GSE1: variants seen among roughly 807,000 people sequenced by gnomAD.
The protein encoded by GSE1 is genetic suppressor element 1.
GSE1 carries 32 observed loss-of-function variants against 112.6 expected under a neutral mutation model. The observed-to-expected ratio is 0.28, with a 90% confidence interval of 0.21 to 0.38. The LOEUF (loss-of-function observed/expected upper bound fraction) is 0.38, where lower values mean the gene tolerates loss of function less well. Among genes scored for constraint, GSE1 ranks in the 10% least tolerant of loss-of-function variants. The pLI is 1.00. For missense variants in GSE1, 2,348 were observed against 1,699.2 expected (o/e 1.38, Z -6.71); for synonymous variants, 1,115 against 735.6 (o/e 1.52, Z -8.35).
exon 2 of GSE1, chr16:85,357,518 C>T (rs1220828111): frequency 3.9e-6 from 5 of 1,267,532 alleles, no homozygotes; most frequent in Non-Finnish European, 4.1e-6. Context: ...ACCCGGGAGT[C>T]CGAGACCCGG....
intron 1 of GSE1, among the ~76,000 whole-genome samples, chr16:85,229,772 C>T (rs369665892): frequency 4.6e-5 from 7 of 152,218 alleles, no homozygotes; most frequent in African/African-American, 1.7e-4. Context: ...TTCCTTAAAT[C>T]AGAGTAAATC....
At chr16:85,478,342 C>A (rs906147138) in intron 2 of GSE1, among the ~76,000 whole-genome samples, 1 of 152,040 alleles carries the variant, frequency 6.6e-6, no homozygotes, top group Non-Finnish European at 1.5e-5. Flanking sequence ...GCCTGGCCAA[C>A]ATGGTGAAAC....
chr16:85,311,981 G>A lies in GSE1; in HGVS notation c.2284-45482G>A, dbSNP rs1230765674. The stretch of plus-strand genomic sequence containing the variant: ...ACTGTCCTCATGTCTGGAGATGTGG[G>A]CGGTGTCCGTGCACACTGCTGGAGC... On this transcript the variant is annotated intron_variant, in intron 1 of 2. Transcript: ENST00000637419. The surrounding 1 kb of genome is among the most constrained non-coding windows in gnomAD (Gnocchi z 4.2). 1.3e-5 allele frequency among the ~76,000 whole-genome samples: 2 copies of A among 152,186 alleles called. No individual in the cohort carries two copies. Among genetic ancestry groups the A allele is most frequent in the Non-Finnish European group, 2.9e-5 (2 of 68,030 alleles).
chr16:85,325,263 C>T (rs1038670979), intron 1 of GSE1, among the ~76,000 whole-genome samples: 4 of 152,068 alleles, frequency 2.6e-5, no homozygotes, highest in Non-Finnish European at 5.9e-5. Flanking sequence ...ACCGCCGTAT[C>T]CAGTCTAGAT....
intron 1 of GSE1, among the ~76,000 whole-genome samples, chr16:85,627,751 T>C (rs2049198187): frequency 6.6e-6 from 1 of 152,076 alleles, no homozygotes; most frequent in African/African-American, 2.4e-5. Flanking sequence ...ATAATGAATT[T>C]ACATGAGCTG....
At chr16:85,177,160 C>T (rs2074484331) in intron 1 of GSE1, among the ~76,000 whole-genome samples, 1 of 152,192 alleles carries the variant, frequency 6.6e-6, no homozygotes, top group Non-Finnish European at 1.5e-5. Flanking sequence ...CAAAACTCGG[C>T]CTCCCCTGGA....
intron 2 of GSE1, among the ~76,000 whole-genome samples, chr16:85,635,441 C>T (rs546332611): frequency 9.2e-5 from 14 of 152,174 alleles, no homozygotes; most frequent in East Asian, 1.9e-4. Context: ...GTCAAGAGGC[C>T]GGACAGCTGC....
intron 2 of GSE1, chr16:85,490,585 A>C (rs1463193464): frequency 6.6e-6 from 1 of 152,226 alleles, no homozygotes; most frequent in Non-Finnish European, 1.5e-5. Context: ...GCTCCTGAGG[A>C]GGTGCCCGGT....
chr16:85,624,945 C>T (rs1430015931), intron 1 of GSE1, among the ~76,000 whole-genome samples: 1 of 152,176 alleles, frequency 6.6e-6, no homozygotes, highest in Non-Finnish European at 1.5e-5. Flanking sequence ...CGCAGCTTTG[C>T]TTTCTGGGGT....
Position 85,666,084 on chromosome 16 carries a change from G to C in GSE1, c.2867G>C (p.Arg956Pro). The change falls in exon 13 of 16, where the codon CGG becomes CCG. Residue 956 changes from arginine (R) to proline (P), a missense_variant. Transcript: ENST00000253458. ...GAGCCTGGGAAGCTGGAACAGGTCC[G>C]GCCCCAGGAGCTGTCGAGAGTCCAG... ...AAEPGKLEQVRPQELSRVQEL... is the reference protein window; with the variant it reads ...AAEPGKLEQVPPQELSRVQEL... The C allele has an allele frequency of 5.6e-6, 9 of 1,613,240 alleles. No homozygotes were observed. Among genetic ancestry groups the C allele is most frequent in the Non-Finnish European group, 7.6e-6 (9 of 1,179,966 alleles).
At position 85,667,163 on chromosome 16, in the gene GSE1, T is replaced by A. The variant is rs113725423; in HGVS notation, c.3130+816T>A. Among the ~76,000 whole-genome samples, 430 of 152,362 alleles carry A rather than the reference T, an allele frequency of 2.8e-3. 3 individuals are homozygous for A. The highest frequency in any genetic ancestry group is 0.01 in the African/African-American group (419 of 41,594). Reference sequence around the variant, plus strand: ...TGAGATGCCTTTCGAAACTTCAGAATACCCTCCCTCCCTGCCCTTTGGCAG... The same window carrying A: ...TGAGATGCCTTTCGAAACTTCAGAAAACCCTCCCTCCCTGCCCTTTGGCAG... On this transcript the variant is annotated intron_variant, in intron 13 of 15. Transcript: ENST00000253458.
chr16:85,224,497 C>G (rs1238540719), intron 1 of GSE1, among the ~76,000 whole-genome samples: 2 of 152,178 alleles, frequency 1.3e-5, no homozygotes, highest in East Asian at 1.9e-4. Flanking sequence ...GCCTGACTCT[C>G]TAGGTTCCTG....
intron 1 of GSE1, among the ~76,000 whole-genome samples, chr16:85,588,011 C>T (rs569965871): frequency 6.6e-6 from 1 of 152,298 alleles, no homozygotes; most frequent in African/African-American, 2.4e-5. Flanking sequence ...TGTCACCGTC[C>T]CCCGCCTCTC....
chr16:85,378,086 C>T (rs561298944), intron 2 of GSE1, among the ~76,000 whole-genome samples: 1 of 152,310 alleles, frequency 6.6e-6, no homozygotes, highest in Non-Finnish European at 1.5e-5. Flanking sequence ...GACCCCCACC[C>T]CCATCCCCCG....
chr16:85,300,413 C>G (rs562393196), intron 1 of GSE1, among the ~76,000 whole-genome samples: 2 of 152,206 alleles, frequency 1.3e-5, no homozygotes, highest in Non-Finnish European at 2.9e-5. Context: ...CTCCTCTTCC[C>G]AAACAGAAAT....
intron 2 of GSE1, among the ~76,000 whole-genome samples, chr16:85,506,204 G>T (rs2051530348): frequency 1.3e-5 from 2 of 152,192 alleles, no homozygotes; most frequent in Admixed American, 1.3e-4. Context: ...TGTGTGTGGT[G>T]CGTCCCTGAC....
Position 85,562,201 on chromosome 16 carries a change from T to A in GSE1, c.37+5838T>A, listed in dbSNP as rs138151386. ...ACTCAGCGGGGACAGGCATTTCGGC[T>A]TCCATCTAGCACTTTCCAGGCAGTC... On this transcript the variant is annotated intron_variant, in intron 1 of 2. Coordinates refer to the GSE1 transcript ENST00000635906. Among the ~76,000 whole-genome samples the A allele has an allele frequency of 5.6e-4, 85 of 152,314 alleles. 2 individuals carry two copies. The East Asian group carries it at 0.014, about 25-fold the overall frequency.
At chr16:85,575,608 G>A (rs1598248037) in intron 1 of GSE1, among the ~76,000 whole-genome samples, 1 of 152,102 alleles carries the variant, frequency 6.6e-6, no homozygotes, top group African/African-American at 2.4e-5. Context: ...GGCGGGAGGG[G>A]CATATGGATG....
chr16:85,231,839 C>T (rs1027573185), intron 1 of GSE1, among the ~76,000 whole-genome samples: 1 of 152,206 alleles, frequency 6.6e-6, no homozygotes, highest in Admixed American at 6.5e-5. Flanking sequence ...GCCTGGTTAT[C>T]TGAAAAAAGC....
Sources: allele counts gnomAD v4.1 joint callset (sites outside exome capture counted in the v4.1 genomes callset), GRCh38; gene constraint gnomAD v4.1.1; non-coding constraint Gnocchi (gnomAD v3.1); transcripts MANE v1.5; gene names NCBI Gene and HGNC (gene_info 2026-07-23, HGNC 2026-07-21).